Variants in KLHL6 observed in about 807,000 individuals in gnomAD.
KLHL6 encodes kelch like family member 6.
A neutral mutation model predicts 58.6 loss-of-function variants in KLHL6; 41 were observed. The observed-to-expected ratio is 0.70, with a 90% CI of 0.55 to 0.91. The LOEUF (loss-of-function observed/expected upper bound fraction) is 0.91. Ranked by LOEUF, KLHL6 falls within the 40% of genes least tolerant of loss-of-function variation. The probability of loss-of-function intolerance (pLI) is 0.00; values close to 1 mark genes in which losing one functional copy is unlikely to be tolerated. For synonymous variants in KLHL6, 338 were observed against 322.7 expected, an observed-to-expected ratio of 1.05 and a Z score of -0.51; for missense variants, 714 against 805.6, an observed-to-expected ratio of 0.89 and a Z score of 1.38.
At position 183,553,278 on chromosome 3, in the gene KLHL6, G is replaced by C. The variant is rs568226787; in HGVS notation, c.293+2083C>G. On this transcript the variant is annotated intron_variant, in intron 1 of 6. Transcript: ENST00000341319. ...ATTGCCGTTGCCTCCTCTGACGACC[G>C]GCAGAGACTTTCCCTAAGTATCCTG... is the stretch of plus-strand genomic sequence containing the variant. Among the ~76,000 whole-genome samples, 173 of 152,158 alleles carry C rather than the reference G, an allele frequency of 1.1e-3. 1 individual carries two copies. Among genetic ancestry groups the C allele is most frequent in the African/African-American group, 3.9e-3 (163 of 41,510 alleles).
intron 2 of KLHL6, among the ~76,000 whole-genome samples, chr3:183,525,435 A>G (rs1351575651): frequency 1.3e-5 from 2 of 152,208 alleles, no homozygotes; most frequent in African/African-American, 4.8e-5. Flanking sequence ...CACACAACTG[A>G]TGGGAAGACA....
At chr3:183,550,438 C>T (rs115396233) in intron 1 of KLHL6, among the ~76,000 whole-genome samples, 1,597 of 152,152 alleles carry the variant, frequency 0.01, 30 homozygotes, top group African/African-American at 0.036. Flanking sequence ...CACACACACA[C>T]GCACGCACAC....
chr3:183,493,220 AT>A, intron 5 of KLHL6: 1 of 169,070 alleles, frequency 5.9e-6, no homozygotes, highest in South Asian at 1.6e-4. Context: ...GTGTGCTTCT[AT>A]CCTGTGAACC....
intron 3 of KLHL6, among the ~76,000 whole-genome samples, chr3:183,504,477 G>C (rs1013106743): frequency 7.9e-5 from 12 of 152,108 alleles, no homozygotes; most frequent in African/African-American, 2.9e-4. Context: ...AGCTTATAAT[G>C]TCTGACTCTG....
intron 1 of KLHL6, among the ~76,000 whole-genome samples, chr3:183,539,431 C>T (rs537653877): frequency 1.3e-5 from 2 of 152,274 alleles, no homozygotes; most frequent in South Asian, 2.1e-4. Context: ...TTCTGTGGGC[C>T]AGGCACGGTG....
Position 183,508,465 on chromosome 3 carries a change from G to T in KLHL6, c.503C>A (p.Ala168Asp), listed in dbSNP as rs568431787. Residue 168 changes from alanine to aspartate, a missense_variant, in exon 3 of 7, where the codon GCC becomes GAC. By Grantham distance (126) the Ala-to-Asp change is moderately radical. Coordinates refer to ENST00000341319, the MANE Select transcript of KLHL6 (RefSeq NM_130446.4). ...TCCAACGCAGTTTTCTGGGTTCAAG[G>T]CTTCAGTGAGGAAGCTGGCACAGGC... Reference protein sequence around the residue: ...VDACASFLTEALNPENCVGIL... With the variant: ...VDACASFLTEDLNPENCVGIL... 1.9e-6 allele frequency: 3 copies of T among 1,614,118 alleles called. No individual in the cohort carries two copies. In the African/African-American group the frequency reaches 4.0e-5, roughly 22 times the overall value.
At chr3:183,552,717 CAAAAAAA>C (rs1169148282) in intron 1 of KLHL6, among the ~76,000 whole-genome samples, 4 of 47,604 alleles carry the variant, frequency 8.4e-5, no homozygotes, top group Admixed American at 2.5e-4. Context: ...GACTCCGTCT[CAAAAAAA>C]AAAAAAAAAA....
At chr3:183,520,673 C>T (rs898260977) in intron 2 of KLHL6, 1 of 151,866 alleles carries the variant, frequency 6.6e-6, no homozygotes, top group African/African-American at 2.4e-5. Context: ...GCCTTGATGT[C>T]ATGTAGGCCA....
At chr3:183,506,757 G>A (rs1158598650) in intron 3 of KLHL6, among the ~76,000 whole-genome samples, 2 of 152,004 alleles carry the variant, frequency 1.3e-5, no homozygotes, top group African/African-American at 4.8e-5. Context: ...AAGCCTGGGA[G>A]GTCGAGGCTG....
Position 183,512,227 on chromosome 3 carries a change from G to A in KLHL6, c.460-3719C>T, listed in dbSNP as rs576324271. On this transcript the variant is annotated intron_variant, in intron 2 of 6. Transcript: ENST00000341319. ...GGTAGCCCCCAGTGCAAAATACCAC[G>A]ATCACCATGCCAGCGTTTGCGTGAG... is the stretch of plus-strand genomic sequence containing the variant. Among the ~76,000 whole-genome samples the A allele has an allele frequency of 3.3e-5, 5 of 152,254 alleles. No individual in the cohort carries two copies. In the South Asian group the frequency reaches 6.2e-4, roughly 19 times the overall value.
At chr3:183,534,121 T>TAAGGTACTTTA in intron 1 of KLHL6, among the ~76,000 whole-genome samples, 1 of 119,826 alleles carries the variant, frequency 8.3e-6, no homozygotes, top group African/African-American at 3.1e-5. Context: ...ACTTTACTTT[T>TAAGGTACTTTA]AAAGTACTTT....
chr3:183,529,979 C>A (rs947680539), intron 1 of KLHL6, among the ~76,000 whole-genome samples: 1 of 151,992 alleles, frequency 6.6e-6, no homozygotes, highest in South Asian at 2.1e-4. Flanking sequence ...GAGGACTCAG[C>A]GAGAAGGTGG....
At chr3:183,538,251 G>A (rs1160007554) in intron 1 of KLHL6, among the ~76,000 whole-genome samples, 1 of 152,012 alleles carries the variant, frequency 6.6e-6, no homozygotes, top group Non-Finnish European at 1.5e-5. Flanking sequence ...ATTTCACCCA[G>A]CCCGACTCCA....
intron 1 of KLHL6, among the ~76,000 whole-genome samples, chr3:183,542,297 A>C (rs1258426703): frequency 6.6e-6 from 1 of 152,054 alleles, no homozygotes; most frequent in Non-Finnish European, 1.5e-5. Flanking sequence ...GCTTCCCACT[A>C]TCTGTAAGTC....
At chr3:183,531,935 A>C (rs1014321803) in intron 1 of KLHL6, among the ~76,000 whole-genome samples, 1 of 152,198 alleles carries the variant, frequency 6.6e-6, no homozygotes, top group African/African-American at 2.4e-5. Flanking sequence ...CATAATCTGG[A>C]CTTCAGAGTT....
intron 2 of KLHL6, among the ~76,000 whole-genome samples, chr3:183,518,341 C>T (rs148609012): frequency 6.6e-6 from 1 of 152,248 alleles, no homozygotes; most frequent in East Asian, 1.9e-4. Context: ...CCTGCTCGCC[C>T]ACAGAGACAT....
intron 2 of KLHL6, among the ~76,000 whole-genome samples, chr3:183,515,221 C>G (rs1044837692): frequency 6.6e-6 from 1 of 152,104 alleles, no homozygotes; most frequent in African/African-American, 2.4e-5. Flanking sequence ...GTGCTTGGAA[C>G]CCCACCTCTG....
Position 183,519,186 on chromosome 3 carries a change from T to C in KLHL6, c.459+8659A>G, listed in dbSNP as rs1711659030. ...TTGTAAAGGAGAGGGAATGGAAGTG[T>C]CTTTTGTCTTGAGAGGGGCACAGAT... On this transcript the variant is annotated intron_variant, in intron 2 of 6. Coordinates refer to ENST00000341319, the MANE Select transcript of KLHL6 (RefSeq NM_130446.4). 2.0e-5 allele frequency among the ~76,000 whole-genome samples: 3 copies of C among 152,104 alleles called. No homozygotes were observed. In the South Asian group the frequency reaches 6.2e-4, roughly 32 times the overall value.
intron 2 of KLHL6, among the ~76,000 whole-genome samples, chr3:183,517,501 G>C (rs1181160514): frequency 1.3e-5 from 2 of 152,150 alleles, no homozygotes; most frequent in African/African-American, 4.8e-5. Flanking sequence ...GAAACCTGCT[G>C]GTTCCTGGAA....
Sources: allele counts gnomAD v4.1 joint callset (sites outside exome capture counted in the v4.1 genomes callset), GRCh38; gene constraint gnomAD v4.1.1; transcripts MANE v1.5; gene names NCBI Gene and HGNC (gene_info 2026-07-23, HGNC 2026-07-21).